Variants in PHC2 observed in about 807,000 individuals in gnomAD.
PHC2 encodes the protein polyhomeotic-like protein 2.
In PHC2, 29 loss-of-function variants were observed where a neutral mutation model predicts 87.4. That is an observed-to-expected ratio of 0.33 (90% CI 0.25 to 0.45). The LOEUF is 0.45. Among genes scored for constraint, PHC2 ranks in the 20% least tolerant of loss-of-function variants. PHC2 has a pLI of 1.00. For synonymous variants in PHC2, 438 were observed against 461.7 expected (o/e 0.95, Z 0.66); for missense variants, 857 against 1,136.7 (o/e 0.75, Z 3.54).
chr1:33,409,952 G>A (rs1234958409), intron 1 of PHC2, among the ~76,000 whole-genome samples: 1 of 152,182 alleles, frequency 6.6e-6, no homozygotes, highest in African/African-American at 2.4e-5. Context: ...AATACCCAAA[G>A]GGGAAACTAT....
intron 1 of PHC2, among the ~76,000 whole-genome samples, chr1:33,416,069 A>G (rs180698864): frequency 4.2e-4 from 64 of 152,322 alleles, no homozygotes; most frequent in Non-Finnish European, 8.7e-4. Flanking sequence ...GAAGGAAAAG[A>G]GATGTGGGGA....
intron 1 of PHC2, among the ~76,000 whole-genome samples, chr1:33,420,344 G>A (rs956160446): frequency 7.2e-5 from 11 of 152,114 alleles, no homozygotes; most frequent in African/African-American, 1.4e-4. Context: ...AGGGAAACGC[G>A]CCTAGACCTT....
chr1:33,366,411 TAGCAGGGC>T (rs1267813525), intron 7 of PHC2, among the ~76,000 whole-genome samples: 2 of 152,200 alleles, frequency 1.3e-5, no homozygotes, highest in African/African-American at 4.8e-5. Flanking sequence ...GAAAGGGGTC[TAGCAGGGC>T]ATGTGGATTC....
At chr1:33,386,463 G>A (rs1410826140) in intron 1 of PHC2, among the ~76,000 whole-genome samples, 1 of 151,908 alleles carries the variant, frequency 6.6e-6, no homozygotes, top group African/African-American at 2.4e-5. Context: ...AGGTTGCAGT[G>A]AGCCGAGACC....
chr1:33,405,778 T>C (rs1649737738), intron 1 of PHC2, among the ~76,000 whole-genome samples: 1 of 151,732 alleles, frequency 6.6e-6, no homozygotes, highest in South Asian at 2.1e-4. Context: ...TGTGTACTGC[T>C]TAATTTCCAA....
At chr1:33,356,200 C>T (rs1371208997) in intron 7 of PHC2, among the ~76,000 whole-genome samples, 1 of 146,282 alleles carries the variant, frequency 6.8e-6, no homozygotes, top group East Asian at 2.0e-4. Context: ...GCTATGCTAG[C>T]TTTTCTCTCT....
chr1:33,371,412 C>A (rs1456770528), intron 3 of PHC2, among the ~76,000 whole-genome samples: 2 of 152,116 alleles, frequency 1.3e-5, no homozygotes, highest in Non-Finnish European at 2.9e-5. Flanking sequence ...CACCCGGCCA[C>A]CACCATCACA....
At chr1:33,408,071 G>T (rs1649834594) in intron 1 of PHC2, among the ~76,000 whole-genome samples, 1 of 152,090 alleles carries the variant, frequency 6.6e-6, no homozygotes, top group African/African-American at 2.4e-5. Context: ...TTATTATTTT[G>T]TTACCTTTTT....
chr1:33,343,675 G>T (rs941070504), intron 9 of PHC2, among the ~76,000 whole-genome samples: 11 of 152,174 alleles, frequency 7.2e-5, no homozygotes, highest in African/African-American at 2.2e-4. Context: ...ACGTCACTGA[G>T]ACCTGTGAGA....
rs188868303 is a variant in PHC2, at chr1:33,386,388, C to T, written c.-54-10795G>A. 7.8e-4 allele frequency among the ~76,000 whole-genome samples: 118 copies of T among 151,740 alleles called. 1 individual carries two copies. The East Asian group carries it at 0.019, about 25-fold the overall frequency. On this transcript the variant is annotated intron_variant, in intron 1 of 14. Transcript: ENST00000683057. ...AAAATTAGCCGGCCGTGGTAGTGGGCGCCTATAATCATCCCAGCTACTCAT... is the reference window on the plus strand; with the variant it reads ...AAAATTAGCCGGCCGTGGTAGTGGGTGCCTATAATCATCCCAGCTACTCAT...
chr1:33,395,084 T>C (rs1448802979), intron 1 of PHC2, among the ~76,000 whole-genome samples: 2 of 152,230 alleles, frequency 1.3e-5, no homozygotes, highest in Non-Finnish European at 2.9e-5. Context: ...AAACCTGTGG[T>C]ATATCCACAC....
At chr1:33,408,226 A>T (rs1489899752) in intron 1 of PHC2, among the ~76,000 whole-genome samples, 1 of 152,192 alleles carries the variant, frequency 6.6e-6, no homozygotes, top group Non-Finnish European at 1.5e-5. Context: ...TGAATCAGTT[A>T]GTCTATTTTT....
chr1:33,423,891 G>A (rs1321175848), intron 1 of PHC2, among the ~76,000 whole-genome samples: 2 of 152,146 alleles, frequency 1.3e-5, no homozygotes, highest in East Asian at 3.9e-4. Context: ...GAGGTCAGGA[G>A]TTCAACACCA....
At chr1:33,344,015 T>G (rs1646797965) in intron 9 of PHC2, among the ~76,000 whole-genome samples, 1 of 150,664 alleles carries the variant, frequency 6.6e-6, no homozygotes, top group South Asian at 2.1e-4. Context: ...TAAAGGGGGG[T>G]TTTAAGCAGA....
At chr1:33,362,236 A>G (rs550535021) in intron 7 of PHC2, among the ~76,000 whole-genome samples, 3 of 152,366 alleles carry the variant, frequency 2.0e-5, no homozygotes, top group African/African-American at 4.8e-5. Context: ...CTCAATGCCT[A>G]TTAGATGCTC....
chr1:33,428,849 G>A (rs1046520672), intron 1 of PHC2, among the ~76,000 whole-genome samples: 1 of 152,210 alleles, frequency 6.6e-6, no homozygotes, highest in Non-Finnish European at 1.5e-5. Context: ...GGCCCAGTCT[G>A]GCAGATCCAC....
intron 1 of PHC2, among the ~76,000 whole-genome samples, chr1:33,413,214 G>A (rs1426886268): frequency 2.0e-5 from 3 of 152,106 alleles, no homozygotes; most frequent in East Asian, 1.9e-4. Flanking sequence ...TGATCCCCCC[G>A]CCTCGGCCTC....
chr1:33,385,151 T>C (rs946769446), intron 1 of PHC2, among the ~76,000 whole-genome samples: 5 of 152,114 alleles, frequency 3.3e-5, no homozygotes, highest in African/African-American at 1.2e-4. Flanking sequence ...CTGTGGTCAC[T>C]GCAAAAAGCA....
chr1:33,391,100 G>T (rs1649033347), intron 1 of PHC2, among the ~76,000 whole-genome samples: 1 of 152,136 alleles, frequency 6.6e-6, no homozygotes, highest in Non-Finnish European at 1.5e-5. Context: ...AAATTTTCAG[G>T]TCCACAGTGG....
Sources: gnomAD v4.1 joint callset for allele counts (sites outside exome capture counted in the v4.1 genomes callset) on GRCh38, gnomAD v4.1.1 for gene constraint, MANE v1.5 for transcripts, NCBI Gene and HGNC (gene_info 2026-07-23, HGNC 2026-07-21) for gene names.